The following EYS variants were observed in gnomAD, a reference collection of about 807,000 sequenced individuals.
The protein encoded by EYS is protein eyes shut homolog.
Under a neutral mutation model 282.1 loss-of-function variants are expected in EYS, and 250 were observed. The observed-to-expected ratio is 0.89, with a 90% CI of 0.80 to 0.98. The LOEUF (loss-of-function observed/expected upper bound fraction) is 0.98, where lower values mean the gene tolerates loss of function less well. Among genes scored for constraint, EYS ranks in the 50% least tolerant of loss-of-function variants. The probability of loss-of-function intolerance (pLI) is 0.00; values close to 1 mark genes in which losing one functional copy is unlikely to be tolerated. For synonymous variants in EYS, 1,355 were observed against 1,282.9 expected (o/e 1.06, Z -1.20); for missense variants, 4,016 against 3,709.0 (o/e 1.08, Z -2.15).
intron 35 of EYS, among the ~76,000 whole-genome samples, chr6:63,948,721 T>G (rs1346524120): frequency 6.6e-6 from 1 of 152,160 alleles, no homozygotes; most frequent in Non-Finnish European, 1.5e-5. Context: ...TTAACTTGGT[T>G]CCAAACCAGG....
chr6:65,058,457 G>A, intron 12 of EYS, among the ~76,000 whole-genome samples: 1 of 138,708 alleles, frequency 7.2e-6, no homozygotes, highest in African/African-American at 2.5e-5. Context: ...GGCCCTAAAT[G>A]TTCTTTATAA....
intron 5 of EYS, among the ~76,000 whole-genome samples, chr6:65,414,154 CTT>C (rs886206800): frequency 3.3e-5 from 5 of 152,154 alleles, no homozygotes; most frequent in African/African-American, 1.2e-4. Context: ...AATGCAAAGA[CTT>C]TGAGTTGAGA....
At chr6:64,866,327 G>A (rs1442953042) in intron 19 of EYS, among the ~76,000 whole-genome samples, 1 of 151,744 alleles carries the variant, frequency 6.6e-6, no homozygotes, top group Non-Finnish European at 1.5e-5. Context: ...CATCCTATAG[G>A]CAACAACAAA....
intron 28 of EYS, among the ~76,000 whole-genome samples, chr6:64,421,160 G>A (rs1472171705): frequency 2.0e-5 from 3 of 152,080 alleles, no homozygotes; most frequent in Admixed American, 6.6e-5. Flanking sequence ...GAGGCCACAA[G>A]AAACTTAAAA....
chr6:65,601,957 A>G (rs954086708), intron 2 of EYS, among the ~76,000 whole-genome samples: 3 of 151,954 alleles, frequency 2.0e-5, no homozygotes, highest in Admixed American at 1.3e-4. Context: ...TAATGTTGGT[A>G]TGAAGAAAAT....
chr6:64,915,842 T>A (rs1424956201), intron 15 of EYS, among the ~76,000 whole-genome samples: 1 of 152,192 alleles, frequency 6.6e-6, no homozygotes, highest in Non-Finnish European at 1.5e-5. Context: ...AGGATAACAG[T>A]GATGTATCCT....
rs542219646 is a variant in EYS, at chr6:63,935,614, G to A, written c.7055+48769C>T. Among the ~76,000 whole-genome samples, 6 of 152,284 alleles carry A rather than the reference G, an allele frequency of 3.9e-5. No individual in the cohort carries two copies. The South Asian group carries it at 1.2e-3, about 32-fold the overall frequency. ...TACACATAGAGGAAAGGCCACGTGA[G>A]GAAAGACCACAGTGAGAAGGTCTGC... On this transcript the variant is annotated intron_variant, in intron 35 of 42. Transcript: ENST00000503581.
chr6:65,686,894 T>G (rs1238733306), intron 1 of EYS, among the ~76,000 whole-genome samples: 1 of 151,952 alleles, frequency 6.6e-6, no homozygotes, highest in Non-Finnish European at 1.5e-5. Context: ...TGGGGCTTGG[T>G]GACAACATGA....
At chr6:64,426,082 T>C (rs527417969) in intron 28 of EYS, among the ~76,000 whole-genome samples, 6 of 151,272 alleles carry the variant, frequency 4.0e-5, no homozygotes, top group African/African-American at 1.5e-4. Flanking sequence ...GTCACCGAGA[T>C]AGGAGAAACA....
intron 21 of EYS, among the ~76,000 whole-genome samples, chr6:64,817,925 A>T (rs972319194): frequency 4.6e-5 from 7 of 152,084 alleles, no homozygotes; most frequent in African/African-American, 1.2e-4. Context: ...TATTTAGAGA[A>T]CTTACATGAG....
At position 64,436,169 on chromosome 6, in the gene EYS, C is replaced by G; in HGVS notation, c.5927+5G>C. 13 of 1,464,228 alleles carry G rather than the reference C, an allele frequency of 8.9e-6. No individual in the cohort carries two copies. Among genetic ancestry groups the G allele is most frequent in the Non-Finnish European group, 8.3e-6 (9 of 1,082,574 alleles). 90.7% of individuals were successfully genotyped at this position (1,464,228 alleles called of 1,614,324 possible). A position where few individuals can be genotyped will look rare whatever the true frequency, so the allele number is the denominator to read the frequency against. Reference sequence around the variant, plus strand: ...GATTAACTGGAAAAGAAATAATTATCTTACCTGATAAGCAGTGTATACTTT... The same window carrying G: ...GATTAACTGGAAAAGAAATAATTATGTTACCTGATAAGCAGTGTATACTTT... On this transcript the variant is annotated splice_donor_5th_base_variant and intron_variant, in intron 28 of 42. Coordinates refer to ENST00000503581, the MANE Select transcript of EYS (RefSeq NM_001142800.2).
intron 33 of EYS, among the ~76,000 whole-genome samples, chr6:64,002,423 C>G (rs1768139971): frequency 6.6e-6 from 1 of 152,216 alleles, no homozygotes; most frequent in African/African-American, 2.4e-5. Context: ...AGAGGGCCCA[C>G]TGAGCTGATT....
chr6:64,950,153 T>A (rs139421320), intron 14 of EYS, among the ~76,000 whole-genome samples: 7 of 152,044 alleles, frequency 4.6e-5, no homozygotes, highest in African/African-American at 1.7e-4. Flanking sequence ...CAGACTTACA[T>A]GAAGTGGATT....
At chr6:64,759,473 T>C (rs1028100308) in intron 22 of EYS, among the ~76,000 whole-genome samples, 2 of 152,190 alleles carry the variant, frequency 1.3e-5, no homozygotes, top group African/African-American at 2.4e-5. Context: ...AATGTGTCTA[T>C]ATAAAACAAA....
At chr6:65,152,315 C>T (rs1335005782) in intron 12 of EYS, among the ~76,000 whole-genome samples, 1 of 151,932 alleles carries the variant, frequency 6.6e-6, no homozygotes, top group African/African-American at 2.4e-5. Context: ...ATTTTGTCCA[C>T]CACCCTAAAG....
intron 8 of EYS, among the ~76,000 whole-genome samples, chr6:65,374,399 T>C (rs1221949175): frequency 2.0e-5 from 3 of 152,040 alleles, no homozygotes; most frequent in African/African-American, 7.2e-5. Context: ...GTTTTTGCAA[T>C]CCGCAGACCA....
At chr6:64,881,866 C>G (rs907201348) in intron 19 of EYS, among the ~76,000 whole-genome samples, 111 of 151,814 alleles carry the variant, frequency 7.3e-4, no homozygotes, top group African/African-American at 2.5e-3. Context: ...TAAGGGCTTA[C>G]TTAAATAAAC....
chr6:64,544,855 G>C (rs1377230459), intron 26 of EYS, among the ~76,000 whole-genome samples: 1 of 152,052 alleles, frequency 6.6e-6, no homozygotes, highest in African/African-American at 2.4e-5. Context: ...CCAATAACAG[G>C]CTCTGAAATT....
intron 13 of EYS, among the ~76,000 whole-genome samples, chr6:65,005,781 GTCCCGAAC>G (rs1463885953): frequency 8.4e-6 from 1 of 119,072 alleles, no homozygotes; most frequent in African/African-American, 2.6e-5. Flanking sequence ...GAAAGCAGCT[GTCCCGAAC>G]TCCCGGCAGT....
Sources: allele counts gnomAD v4.1 joint callset (sites outside exome capture counted in the v4.1 genomes callset), GRCh38; gene constraint gnomAD v4.1.1; transcripts MANE v1.5; gene names NCBI Gene and HGNC (gene_info 2026-07-23, HGNC 2026-07-21).